The following HS6ST3 variants were observed in gnomAD, a reference collection of about 807,000 sequenced individuals.
HS6ST3 encodes the protein heparan-sulfate 6-O-sulfotransferase 3.
HS6ST3 carries 12 observed loss-of-function variants against 36.7 expected under a neutral mutation model. That is an observed-to-expected ratio of 0.33 (90% CI 0.21 to 0.53). The LOEUF is 0.53. Ranked by LOEUF, HS6ST3 falls within the 20% of genes least tolerant of loss-of-function variation. The pLI is 0.95. For synonymous variants in HS6ST3, 240 were observed against 257.5 expected, an observed-to-expected ratio of 0.93 and a Z score of 0.65; for missense variants, 584 against 640.9, an observed-to-expected ratio of 0.91 and a Z score of 0.96.
chr13:96,158,205 A>G (rs1207320852), intron 1 of HS6ST3, among the ~76,000 whole-genome samples: 1 of 152,102 alleles, frequency 6.6e-6, no homozygotes, highest in Non-Finnish European at 1.5e-5. Flanking sequence ...GTGTGGTTAG[A>G]TGGGTCGCCT....
At chr13:96,729,049 C>T (rs1224272363) in intron 1 of HS6ST3, among the ~76,000 whole-genome samples, 2 of 152,164 alleles carry the variant, frequency 1.3e-5, no homozygotes, top group African/African-American at 4.8e-5. Flanking sequence ...AGAACTGAAG[C>T]TTTCTTTCGT....
chr13:96,811,552 A>C (rs1878316960), intron 1 of HS6ST3, among the ~76,000 whole-genome samples: 1 of 152,344 alleles, frequency 6.6e-6, no homozygotes, highest in Middle Eastern at 3.4e-3. Flanking sequence ...AAGTGTAAAA[A>C]GGCAGAATTA....
chr13:96,574,979 GT>G (rs1406258305), intron 1 of HS6ST3, among the ~76,000 whole-genome samples: 2 of 152,144 alleles, frequency 1.3e-5, no homozygotes, highest in Non-Finnish European at 2.9e-5. Context: ...TAGACTTCCA[GT>G]TTATTGCATA....
At chr13:96,763,352 G>A (rs1020823135) in intron 1 of HS6ST3, among the ~76,000 whole-genome samples, 1 of 150,238 alleles carries the variant, frequency 6.7e-6, no homozygotes, top group Non-Finnish European at 1.5e-5. Flanking sequence ...CTAGCAGGGA[G>A]TCATGGCACA....
intron 1 of HS6ST3, among the ~76,000 whole-genome samples, chr13:96,270,184 A>G (rs2054713067): frequency 6.6e-6 from 1 of 151,848 alleles, no homozygotes; most frequent in Non-Finnish European, 1.5e-5. Context: ...GTGTGTGCAC[A>G]AAGAGGTCAT....
chr13:96,620,686 A>G (rs1204056689), intron 1 of HS6ST3, among the ~76,000 whole-genome samples: 1 of 152,208 alleles, frequency 6.6e-6, no homozygotes, highest in African/African-American at 2.4e-5. Flanking sequence ...CCACCTGTAA[A>G]ATAACCATAT....
At chr13:96,521,079 A>G (rs2138927101) in intron 1 of HS6ST3, among the ~76,000 whole-genome samples, 1 of 152,288 alleles carries the variant, frequency 6.6e-6, no homozygotes, top group Non-Finnish European at 1.5e-5. Context: ...AATTTTGTCA[A>G]AGGCCTTTTC....
At chr13:96,581,812 G>A (rs542665779) in intron 1 of HS6ST3, among the ~76,000 whole-genome samples, 2 of 152,266 alleles carry the variant, frequency 1.3e-5, no homozygotes, top group Admixed American at 1.3e-4. Flanking sequence ...CCAAGCCAAG[G>A]GGAGCAGGGA....
At chr13:96,472,334 C>G (rs1038536108) in intron 1 of HS6ST3, among the ~76,000 whole-genome samples, 3 of 152,184 alleles carry the variant, frequency 2.0e-5, no homozygotes, top group Non-Finnish European at 2.9e-5. Flanking sequence ...AGTCTCATTT[C>G]TTTTTCATTT....
chr13:96,714,957 G>A (rs1875655489), intron 1 of HS6ST3, among the ~76,000 whole-genome samples: 1 of 151,896 alleles, frequency 6.6e-6, no homozygotes, highest in South Asian at 2.1e-4. Context: ...TCTTCCCATT[G>A]TGGCCTCGTA....
intron 1 of HS6ST3, among the ~76,000 whole-genome samples, chr13:96,792,736 G>A (rs1044224779): frequency 6.6e-6 from 1 of 152,046 alleles, no homozygotes; most frequent in African/African-American, 2.4e-5. Context: ...TCCTATCTGA[G>A]TGAGCACAGA....
At chr13:96,180,592 TTTAA>T (rs767408012) in intron 1 of HS6ST3, among the ~76,000 whole-genome samples, 3 of 152,232 alleles carry the variant, frequency 2.0e-5, no homozygotes, top group Non-Finnish European at 1.5e-5. Flanking sequence ...AGATTAATTG[TTTAA>T]TTAATTAATT....
intron 1 of HS6ST3, among the ~76,000 whole-genome samples, chr13:96,628,225 G>A (rs886317677): frequency 6.6e-6 from 1 of 151,782 alleles, no homozygotes; most frequent in African/African-American, 2.4e-5. Flanking sequence ...TGATCATTCA[G>A]CAATTCATTT....
At position 96,492,075 on chromosome 13, in the gene HS6ST3, A is replaced by C. The variant is rs574971637; in HGVS notation, c.708-340415A>C. ...TACAGAGGACAAAACCCCCTGATTT[A>C]TCTCTTCCTCTCTTGCCTGTGGATT... On this transcript the variant is annotated intron_variant, in intron 1 of 1. Transcript: ENST00000376705. 9.0e-4 allele frequency among the ~76,000 whole-genome samples: 137 copies of C among 152,264 alleles called. 2 individuals are homozygous for C. Among genetic ancestry groups the C allele is most frequent in the African/African-American group, 3.2e-3 (133 of 41,548 alleles).
chr13:96,218,953 C>CT (rs1226811312), intron 1 of HS6ST3, among the ~76,000 whole-genome samples: 11 of 152,294 alleles, frequency 7.2e-5, no homozygotes, highest in African/African-American at 2.4e-4. Flanking sequence ...TCTGTTGAGT[C>CT]TTTTTCTGCC....
chr13:96,497,506 C>A (rs2055983268), intron 1 of HS6ST3, among the ~76,000 whole-genome samples: 1 of 152,116 alleles, frequency 6.6e-6, no homozygotes, highest in Admixed American at 6.6e-5. Flanking sequence ...ATAACCTCAC[C>A]TTAGTCTAAG....
At chr13:96,110,033 C>A (rs947996871) in intron 1 of HS6ST3, among the ~76,000 whole-genome samples, 3 of 152,168 alleles carry the variant, frequency 2.0e-5, no homozygotes, top group Admixed American at 6.5e-5. Flanking sequence ...GTGGGAGAGG[C>A]TTCTGAATTA....
intron 1 of HS6ST3, among the ~76,000 whole-genome samples, chr13:96,792,889 A>G (rs962426414): frequency 6.6e-6 from 1 of 152,062 alleles, no homozygotes; most frequent in South Asian, 2.1e-4. Context: ...ATACCTGCCC[A>G]GATGGTTTAT....
In HS6ST3 at chr13:96,838,105, G is replaced by A. The variant is rs117366129; in HGVS notation, c.*4907G>A. ...TGGGATCATTTAGAGATGGGGGTTA[G>A]GGAGAGTAGGAGTAACTCTAGAGAA... On this transcript the variant is annotated 3_prime_UTR_variant, in exon 2 of 2. Transcript: ENST00000376705. The A allele has an allele frequency of 0.021, 3,206 of 152,286 alleles. 53 individuals are homozygous for A. Among genetic ancestry groups the A allele is most frequent in the South Asian group, 0.041 (198 of 4,830 alleles). 9.4% of individuals were successfully genotyped at this position (152,286 alleles called of 1,614,324 possible). A position where few individuals can be genotyped will look rare whatever the true frequency, so the allele number is the denominator to read the frequency against.
Sources: gnomAD v4.1 joint callset for allele counts (sites outside exome capture counted in the v4.1 genomes callset) on GRCh38, gnomAD v4.1.1 for gene constraint, MANE v1.5 for transcripts, NCBI Gene and HGNC (gene_info 2026-07-23, HGNC 2026-07-21) for gene names.